The following AMOT variants were observed in gnomAD, a reference collection of about 807,000 sequenced individuals.
The protein encoded by AMOT is angiomotin.
A neutral mutation model predicts 67.0 loss-of-function variants in AMOT; 11 were observed. That is an observed-to-expected ratio of 0.16 (90% confidence interval 0.10 to 0.27). The LOEUF is 0.27. AMOT is among the 10% of genes least tolerant of loss of function. The probability of loss-of-function intolerance (pLI) is 1.00; values close to 1 mark genes in which losing one functional copy is unlikely to be tolerated. For synonymous variants in AMOT, 326 were observed against 321.4 expected, an observed-to-expected ratio of 1.01 and a Z score of -0.15; for missense variants, 753 against 852.0, an observed-to-expected ratio of 0.88 and a Z score of 1.45.
chrX:112,838,331 G>C (rs778591072), intron 1 of AMOT, among the ~76,000 whole-genome samples: 149 of 112,110 alleles, frequency 1.3e-3, no homozygotes, highest in Non-Finnish European at 2.2e-3. Flanking sequence ...ATCAAAGGAA[G>C]AAAGGGGGAT....
intron 8 of AMOT, among the ~76,000 whole-genome samples, chrX:112,793,893 C>A (rs990836661): frequency 2.7e-5 from 3 of 112,202 alleles, no homozygotes; most frequent in Non-Finnish European, 5.6e-5. Flanking sequence ...AAACTTTTGC[C>A]TCTGCCTTCC....
At chrX:112,825,313 AAGAGAATGACTTGTCCTCCT>A (rs900527810) in intron 2 of AMOT, 93 bp from the exon 3 acceptor site, 14 of 111,803 alleles carry the variant, frequency 1.3e-4, no homozygotes, top group African/African-American at 4.6e-4. Flanking sequence ...CAGTTCTTCC[AAGAGAATGACTTGTCCTCCT>A]ATGGTGCTTG....
In AMOT at chrX:112,803,426, G is replaced by A. The variant is rs1213847057; in HGVS notation, c.1776+1521C>T. Among the ~76,000 whole-genome samples the A allele has an allele frequency of 3.6e-5, 4 of 112,373 alleles. No homozygotes were observed. The Admixed American group carries it at 3.8e-4, about 11-fold the overall frequency. On this transcript the variant is annotated intron_variant, in intron 8 of 13. Transcript: ENST00000371959. The stretch of plus-strand genomic sequence containing the variant: ...TGTGAGGGAAGGGAATATATGGGGT[G>A]TAGCAAAAGGATGCAATAAGCTCCT...
At chrX:112,796,835 GTC>G (rs1933835929) in intron 8 of AMOT, among the ~76,000 whole-genome samples, 1 of 111,738 alleles carries the variant, frequency 8.9e-6, no homozygotes, top group South Asian at 3.8e-4. Flanking sequence ...ATCTTTGGTT[GTC>G]ACAACTGGAG....
intron 5 of AMOT, among the ~76,000 whole-genome samples, chrX:112,814,357 T>A (rs192467203): frequency 3.6e-5 from 4 of 111,677 alleles, no homozygotes; most frequent in African/African-American, 9.8e-5. Flanking sequence ...ATTTGGTGTC[T>A]GTTTACAAAT....
intron 11 of AMOT, among the ~76,000 whole-genome samples, chrX:112,781,944 A>T (rs1226873858): frequency 1.8e-5 from 2 of 111,891 alleles, no homozygotes; most frequent in Non-Finnish European, 3.8e-5. Context: ...GCTGGAGTGC[A>T]ATGGCATGAT....
chrX:112,809,116 G>C (rs941423660), intron 7 of AMOT, among the ~76,000 whole-genome samples: 3 of 111,565 alleles, frequency 2.7e-5, no homozygotes, highest in Non-Finnish European at 3.8e-5. Flanking sequence ...AGGGAGACTG[G>C]GGGTAGAGGA....
intron 1 of AMOT, among the ~76,000 whole-genome samples, chrX:112,839,947 G>A (rs1935247592): frequency 9.0e-6 from 1 of 111,469 alleles, no homozygotes; most frequent in South Asian, 3.8e-4. Flanking sequence ...ACATCTCAAA[G>A]AGTAGCCTTG....
chrX:112,792,042 A>C (rs1276820348), intron 8 of AMOT, 61 bp from the exon 9 acceptor site: 1 of 1,152,155 alleles, frequency 8.7e-7, no homozygotes, highest in Non-Finnish European at 1.2e-6. Context: ...AACAGGGTCA[A>C]TTATGTATCC....
At chrX:112,804,728 C>T (rs1456288975) in intron 8 of AMOT, among the ~76,000 whole-genome samples, 1 of 111,345 alleles carries the variant, frequency 9.0e-6, no homozygotes, top group South Asian at 3.8e-4. Context: ...TTTCTTGACC[C>T]TGGTGATTTC....
intron 1 of AMOT, among the ~76,000 whole-genome samples, chrX:112,833,606 G>GA (rs773695394): frequency 3.1e-3 from 339 of 110,722 alleles, no homozygotes; most frequent in African/African-American, 0.011. Context: ...AATTGTAGAA[G>GA]AAAAAAATGA....
In AMOT at chrX:112,778,861, ACT is replaced by A. The variant is rs1483975781; in HGVS notation, c.3157+134_3157+135del. 14 of 751,819 alleles carry A rather than the reference ACT, an allele frequency of 1.9e-5. No homozygotes were observed. In the East Asian group the frequency reaches 4.1e-4, roughly 22 times the overall value. 62.0% of individuals were successfully genotyped at this position (751,819 alleles called of 1,213,427 possible). On this transcript the variant is annotated intron_variant, in intron 13 of 13. Transcript: ENST00000371959. ...TTGGTGGATGAGAAGTCATTTACAG[ACT>A]CTCTTCTCTCTCCTTTAGAACGTGA...
At chrX:112,802,760 G>T (rs752733847) in intron 8 of AMOT, among the ~76,000 whole-genome samples, 5 of 112,169 alleles carry the variant, frequency 4.5e-5, no homozygotes, top group Non-Finnish European at 9.4e-5. Context: ...ATTTTGGGGA[G>T]GGCCCCTGGA....
chrX:112,815,911 T>C, intron 4 of AMOT, 34 bp from the exon 5 acceptor site: 27 of 1,148,672 alleles, frequency 2.4e-5, no homozygotes, highest in Non-Finnish European at 2.9e-5. Flanking sequence ...CGGGTTAATT[T>C]CTCTCCTAAG....
At chrX:112,783,400 A>G (rs1933263893) in intron 10 of AMOT, among the ~76,000 whole-genome samples, 1 of 111,493 alleles carries the variant, frequency 9.0e-6, no homozygotes, top group South Asian at 3.8e-4. Flanking sequence ...TATACTAAGT[A>G]ACTTATGGCT....
At chrX:112,812,939 G>C (rs931938224) in intron 5 of AMOT, among the ~76,000 whole-genome samples, 3 of 112,946 alleles carry the variant, frequency 2.7e-5, no homozygotes, top group African/African-American at 9.6e-5. Flanking sequence ...ATGGCACCAA[G>C]ATAGCAGCAC....
chrX:112,815,850 C>A lies in AMOT; in HGVS notation c.900G>T (p.Leu300Phe), dbSNP rs1934539311. Residue 300 changes from leucine to phenylalanine, a missense_variant, in exon 5 of 14, where the codon TTG becomes TTT. Leu to Phe is a conservative substitution (Grantham distance 22). Coordinates refer to ENST00000371959, the MANE Select transcript of AMOT (RefSeq NM_001113490.2). ...TGTGAGGCTGCGAGTTCCTGGCTGA[C>A]AATGGCAATGAGATGTCCTGCGCTG... ...ARPAQDISLP[L>F]SARNSQPHSP... 3 of 1,166,448 alleles carry A rather than the reference C, an allele frequency of 2.6e-6. No individual in the cohort carries two copies. The highest frequency in any genetic ancestry group is 3.4e-6 in the Non-Finnish European group (3 of 872,621).
chrX:112,795,197 C>G (rs1347779760), intron 8 of AMOT, among the ~76,000 whole-genome samples: 2 of 110,755 alleles, frequency 1.8e-5, no homozygotes, highest in African/African-American at 6.6e-5. Context: ...AACAAATTCT[C>G]TTTCTCTCTC....
chrX:112,792,127 G>A, intron 8 of AMOT, 146 bp from the exon 9 acceptor site: 1 of 644,438 alleles, frequency 1.6e-6, no homozygotes. Flanking sequence ...TGGCGAGAAG[G>A]TCCTTCACAA....
Sources: allele counts gnomAD v4.1 joint callset (sites outside exome capture counted in the v4.1 genomes callset), GRCh38; gene constraint gnomAD v4.1.1; transcripts MANE v1.5; gene names NCBI Gene and HGNC (gene_info 2026-07-23, HGNC 2026-07-21).